Variants in SSBP3 observed in about 807,000 individuals in gnomAD.
SSBP3 encodes the protein single stranded DNA binding protein 3.
Under a neutral mutation model 69.6 loss-of-function variants are expected in SSBP3, and 5 were observed. The ratio of observed to expected loss-of-function variants is 0.07; its 90% CI spans 0.04 to 0.15. SSBP3 has a LOEUF of 0.15. SSBP3 is among the 10% of genes least tolerant of loss of function. The pLI, the probability that SSBP3 is intolerant of heterozygous loss-of-function variation, is 1.00. For synonymous variants in SSBP3, 196 were observed against 193.4 expected (o/e 1.01, Z -0.11); for missense variants, 312 against 534.0 (o/e 0.58, Z 4.10).
chr1:54,267,950 T>C (rs1645129545), intron 5 of SSBP3, among the ~76,000 whole-genome samples: 1 of 152,148 alleles, frequency 6.6e-6, no homozygotes, highest in African/African-American at 2.4e-5. Flanking sequence ...CAGGCTGGCC[T>C]CAAACTCCTG....
Position 54,341,098 on chromosome 1 carries a change from C to T in SSBP3, c.277-59571G>A, listed in dbSNP as rs776334047. On this transcript the variant is annotated intron_variant, in intron 4 of 17. Coordinates refer to ENST00000610401, the Ensembl canonical transcript of SSBP3. ...GTGAAACAATGTCTGCATAGTAAGC[C>T]GGCTGGCACCTGGTGCTGGATTAAC... Among the ~76,000 whole-genome samples, 15 of 152,198 alleles carry T rather than the reference C, an allele frequency of 9.9e-5. No individual in the cohort carries two copies. The East Asian group carries it at 1.9e-3, about 19-fold the overall frequency.
At chr1:54,378,994 G>A (rs577385688) in intron 4 of SSBP3, among the ~76,000 whole-genome samples, 93 of 151,952 alleles carry the variant, frequency 6.1e-4, no homozygotes, top group African/African-American at 1.3e-3. Context: ...GACACAAGAC[G>A]CTGGCTCTCC....
At chr1:54,378,658 G>A (rs1451520558) in intron 4 of SSBP3, among the ~76,000 whole-genome samples, 3 of 152,190 alleles carry the variant, frequency 2.0e-5, no homozygotes, top group African/African-American at 7.2e-5. Context: ...AGTCCAAGGC[G>A]CTGACAGCCA....
chr1:54,248,012 G>C (rs571251975), intron 9 of SSBP3, among the ~76,000 whole-genome samples: 1 of 152,216 alleles, frequency 6.6e-6, no homozygotes, highest in East Asian at 1.9e-4. Flanking sequence ...GCTGGTTCCT[G>C]TGAGACATTT....
At chr1:54,295,199 G>C in intron 4 of SSBP3, among the ~76,000 whole-genome samples, 1 of 152,092 alleles carries the variant, frequency 6.6e-6, no homozygotes, top group South Asian at 2.1e-4. Flanking sequence ...CAGCTCACTA[G>C]GGCCCCCCGG....
intron 5 of SSBP3, among the ~76,000 whole-genome samples, chr1:54,275,211 G>A (rs1052265948): frequency 5.3e-5 from 8 of 152,196 alleles, no homozygotes; most frequent in African/African-American, 1.2e-4. Flanking sequence ...AAGCAAGCCC[G>A]TCCGGGTCTC....
intron 4 of SSBP3, among the ~76,000 whole-genome samples, chr1:54,282,635 G>A (rs565106719): frequency 1.8e-4 from 28 of 152,324 alleles, no homozygotes; most frequent in Middle Eastern, 3.4e-3. Flanking sequence ...TGCTCACACA[G>A]GCGGGGCGGG....
At chr1:54,311,930 G>T (rs542984948) in intron 4 of SSBP3, among the ~76,000 whole-genome samples, 1 of 152,244 alleles carries the variant, frequency 6.6e-6, no homozygotes, top group East Asian at 1.9e-4. Flanking sequence ...ACTCACAGCT[G>T]GGGAGACTCT....
intron 5 of SSBP3, among the ~76,000 whole-genome samples, chr1:54,274,703 C>T (rs1645253817): frequency 6.6e-6 from 1 of 152,226 alleles, no homozygotes; most frequent in Non-Finnish European, 1.5e-5. Context: ...GGACTCCACA[C>T]TGGCCAGCCG....
chr1:54,304,770 G>A, intron 4 of SSBP3, among the ~76,000 whole-genome samples: 1 of 152,194 alleles, frequency 6.6e-6, no homozygotes. Context: ...TCAGAGAACA[G>A]ACAGGTGCCT....
chr1:54,286,554 C>T (rs952329102), intron 4 of SSBP3: 5 of 152,268 alleles, frequency 3.3e-5, no homozygotes, highest in Non-Finnish European at 7.3e-5. Flanking sequence ...AGCCATGGGG[C>T]TCAGGGACTA....
chr1:54,396,970 CA>C (rs1213011117), intron 4 of SSBP3, among the ~76,000 whole-genome samples: 6 of 152,190 alleles, frequency 3.9e-5, no homozygotes, highest in African/African-American at 1.4e-4. Flanking sequence ...AGGAGTCTGG[CA>C]GCCTCTGGGG....
intron 5 of SSBP3, among the ~76,000 whole-genome samples, chr1:54,272,829 A>C (rs1645218858): frequency 6.6e-6 from 1 of 152,238 alleles, no homozygotes; most frequent in Non-Finnish European, 1.5e-5. Context: ...GCATGAGGTG[A>C]ACGCAGCTAC....
At chr1:54,356,264 A>T (rs919775657) in intron 4 of SSBP3, among the ~76,000 whole-genome samples, 1 of 152,204 alleles carries the variant, frequency 6.6e-6, no homozygotes, top group Admixed American at 6.5e-5. Context: ...GCAAGAAAAA[A>T]GAAAACCAGC....
At chr1:54,307,450 C>T (rs538010681) in intron 4 of SSBP3, among the ~76,000 whole-genome samples, 1 of 152,184 alleles carries the variant, frequency 6.6e-6, no homozygotes, top group African/African-American at 2.4e-5. Flanking sequence ...CCTTACTATG[C>T]TGTGTTTAAC....
intron 11 of SSBP3, among the ~76,000 whole-genome samples, chr1:54,241,944 G>A (rs1220735610): frequency 6.6e-6 from 1 of 152,192 alleles, no homozygotes; most frequent in Non-Finnish European, 1.5e-5. Flanking sequence ...CTCCTTAGAG[G>A]AGTGGGCTGG....
intron 4 of SSBP3, among the ~76,000 whole-genome samples, chr1:54,290,939 A>G (rs1318510293): frequency 2.6e-5 from 4 of 152,306 alleles, no homozygotes; most frequent in Admixed American, 6.5e-5. Flanking sequence ...ACACACACGC[A>G]CACACACACA....
At chr1:54,240,321 G>A (rs943652674) in intron 13 of SSBP3, among the ~76,000 whole-genome samples, 6 of 151,614 alleles carry the variant, frequency 4.0e-5, no homozygotes, top group African/African-American at 1.2e-4. Context: ...AGCCGGGCAT[G>A]GTGGTGCGTG....
intron 3 of SSBP3, among the ~76,000 whole-genome samples, chr1:54,403,147 C>T (rs1160572284): frequency 6.6e-6 from 1 of 152,286 alleles, no homozygotes; most frequent in East Asian, 1.9e-4. Context: ...CACAGCCACT[C>T]AAAGCCACCA....
Sources: allele counts gnomAD v4.1 joint callset (sites outside exome capture counted in the v4.1 genomes callset), GRCh38; gene constraint gnomAD v4.1.1; transcripts MANE v1.5; gene names NCBI Gene and HGNC (gene_info 2026-07-23, HGNC 2026-07-21).